NOVA1: variants seen among roughly 807,000 people sequenced by gnomAD.
NOVA1 encodes the protein NOVA alternative splicing regulator 1.
A neutral mutation model predicts 38.0 loss-of-function variants in NOVA1; 7 were observed. That is an observed-to-expected ratio of 0.18 (90% CI 0.10 to 0.35). The LOEUF is 0.35. NOVA1 is among the 10% of genes least tolerant of loss of function. The pLI, the probability that NOVA1 is intolerant of heterozygous loss-of-function variation, is 1.00. For missense variants in NOVA1, 460 were observed against 616.0 expected, an observed-to-expected ratio of 0.75 and a Z score of 2.68; for synonymous variants, 270 against 232.5, an observed-to-expected ratio of 1.16 and a Z score of -1.47.
intron 3 of NOVA1, among the ~76,000 whole-genome samples, chr14:26,475,273 C>A (rs1412501859): frequency 6.6e-6 from 1 of 152,132 alleles, no homozygotes; most frequent in African/African-American, 2.4e-5. Flanking sequence ...TTCAAGCAAT[C>A]CTCTGTCTTG....
intron 2 of NOVA1, among the ~76,000 whole-genome samples, chr14:26,483,249 G>A (rs1157593050): frequency 6.6e-6 from 1 of 152,172 alleles, no homozygotes; most frequent in Non-Finnish European, 1.5e-5. Flanking sequence ...CAGTTACACA[G>A]TTCCTGTTTC....
chr14:26,565,139 C>T (rs2138697154), intron 2 of NOVA1, among the ~76,000 whole-genome samples: 1 of 152,228 alleles, frequency 6.6e-6, no homozygotes, highest in Admixed American at 6.5e-5. Context: ...TGTAGTTGGT[C>T]TTCGTCTCAG....
chr14:26,490,122 G>A (rs2138348249), intron 2 of NOVA1, among the ~76,000 whole-genome samples: 1 of 152,246 alleles, frequency 6.6e-6, no homozygotes, highest in Non-Finnish European at 1.5e-5. Context: ...TCTGTCTGGT[G>A]TCTGGCTTAT....
chr14:26,483,356 T>C (rs1885614943), intron 2 of NOVA1, among the ~76,000 whole-genome samples: 2 of 152,176 alleles, frequency 1.3e-5, no homozygotes, highest in Admixed American at 6.5e-5. Flanking sequence ...TACATCATAA[T>C]TTTTTTCTAT....
At chr14:26,585,743 C>T (rs1893475628) in intron 2 of NOVA1, among the ~76,000 whole-genome samples, 1 of 151,298 alleles carries the variant, frequency 6.6e-6, no homozygotes, top group Non-Finnish European at 1.5e-5. Context: ...CTTTAACATA[C>T]TCTCCATAAT....
At chr14:26,575,993 T>C (rs573764301) in intron 2 of NOVA1, among the ~76,000 whole-genome samples, 2 of 152,084 alleles carry the variant, frequency 1.3e-5, no homozygotes, top group South Asian at 4.1e-4. Flanking sequence ...CTGACAGGCA[T>C]AAATGTACAG....
chr14:26,487,981 C>T (rs1044028498), intron 2 of NOVA1, among the ~76,000 whole-genome samples: 8 of 151,984 alleles, frequency 5.3e-5, no homozygotes, highest in Admixed American at 2.6e-4. Context: ...TGTACAGTTA[C>T]GCACATTTGA....
intron 4 of NOVA1, among the ~76,000 whole-genome samples, chr14:26,466,868 C>T (rs1051736770): frequency 6.6e-6 from 1 of 152,204 alleles, no homozygotes; most frequent in Non-Finnish European, 1.5e-5. Context: ...GATTTCAAGA[C>T]ACAGCAAGAA....
chr14:26,535,978 CA>C (rs533259615), intron 2 of NOVA1, among the ~76,000 whole-genome samples: 3,467 of 74,980 alleles, frequency 0.046, 40 homozygotes, highest in African/African-American at 0.097. Context: ...GACTCCGTCT[CA>C]AAAAAAAAAA....
At chr14:26,511,206 C>G (rs2138452981) in intron 2 of NOVA1, among the ~76,000 whole-genome samples, 1 of 152,194 alleles carries the variant, frequency 6.6e-6, no homozygotes, top group East Asian at 1.9e-4. Context: ...ACATACAAGG[C>G]TGTGCAACAG....
At chr14:26,596,675 TTAAC>T (rs1894211347) in intron 1 of NOVA1, 7 of 1,288,896 alleles carry the variant, frequency 5.4e-6, no homozygotes, top group African/African-American at 3.0e-5. Context: ...GCGCAGGATG[TTAAC>T]TAACAAGTCA....
chr14:26,595,637 C>G, intron 1 of NOVA1, 84 bp from the exon 2 acceptor site: 1 of 1,205,440 alleles, frequency 8.3e-7, no homozygotes, highest in Non-Finnish European at 1.2e-6. Context: ...AGAAAAACAG[C>G]AACTAAAGCA....
intron 2 of NOVA1, among the ~76,000 whole-genome samples, chr14:26,495,920 A>T: frequency 5.6e-5 from 7 of 124,086 alleles, no homozygotes; most frequent in Admixed American, 1.9e-4. Flanking sequence ...GGTTGGTTCC[A>T]AGTCTTTGCT....
intron 2 of NOVA1, among the ~76,000 whole-genome samples, chr14:26,533,449 A>C (rs1250457396): frequency 6.6e-6 from 1 of 152,208 alleles, no homozygotes; most frequent in East Asian, 1.9e-4. Flanking sequence ...CATTATTAAC[A>C]GTCTATCAAT....
chr14:26,561,245 C>T lies in NOVA1; in HGVS notation c.280+34165G>A, dbSNP rs572908432. 6.8e-4 allele frequency among the ~76,000 whole-genome samples: 103 copies of T among 152,288 alleles called. 1 individual carries two copies. Among genetic ancestry groups the T allele is most frequent in the African/African-American group, 2.3e-3 (96 of 41,564 alleles). On this transcript the variant is annotated intron_variant, in intron 2 of 4. Transcript: ENST00000539517. ...GACCGGACCAGAGCAGGGTTAGGGA[C>T]CCCTGCCCTATTACTTGAATAAGCT...
chr14:26,512,837 AAG>A (rs1054959650), intron 2 of NOVA1, among the ~76,000 whole-genome samples: 2 of 18,184 alleles, frequency 1.1e-4, no homozygotes, highest in Admixed American at 1.2e-3. Flanking sequence ...TACATATCAT[AAG>A]AGGTAATCAA....
At chr14:26,468,787 T>C (rs1250138848) in intron 4 of NOVA1, among the ~76,000 whole-genome samples, 4 of 152,198 alleles carry the variant, frequency 2.6e-5, no homozygotes, top group Non-Finnish European at 5.9e-5. Context: ...TTATACAATT[T>C]GATAAATGCT....
intron 2 of NOVA1, among the ~76,000 whole-genome samples, chr14:26,483,190 A>G (rs920018450): frequency 6.6e-6 from 1 of 152,212 alleles, no homozygotes; most frequent in Non-Finnish European, 1.5e-5. Context: ...AAAAGTTTTC[A>G]CAGAAATTTA....
chr14:26,541,545 A>G (rs568511315), intron 2 of NOVA1, among the ~76,000 whole-genome samples: 19 of 148,092 alleles, frequency 1.3e-4, no homozygotes, highest in Non-Finnish European at 1.6e-4. Context: ...CACTTTTCCT[A>G]TTTTATAATT....
Sources: allele counts gnomAD v4.1 joint callset (sites outside exome capture counted in the v4.1 genomes callset), GRCh38; gene constraint gnomAD v4.1.1; transcripts MANE v1.5; gene names NCBI Gene and HGNC (gene_info 2026-07-23, HGNC 2026-07-21).